DAB1: variants seen among roughly 807,000 people sequenced by gnomAD.
DAB1 encodes the protein disabled homolog 1.
DAB1 carries 15 observed loss-of-function variants against 64.6 expected under a neutral mutation model. The ratio of observed to expected loss-of-function variants is 0.23; its 90% CI spans 0.16 to 0.36. The LOEUF is 0.36. DAB1 is among the 10% of genes least tolerant of loss of function. The pLI, the probability that DAB1 is intolerant of heterozygous loss-of-function variation, is 1.00. For synonymous variants in DAB1, 235 were observed against 251.9 expected (o/e 0.93, Z 0.64); for missense variants, 596 against 706.7 (o/e 0.84, Z 1.78).
rs776895180 is a variant in DAB1 at position 57,026,000 on chromosome 1, G to A, written c.767C>T (p.Pro256Leu). 1.9e-6 allele frequency: 3 copies of A among 1,588,820 alleles called. No homozygotes were observed. The highest frequency in any genetic ancestry group is 3.6e-5 in the Admixed American group (2 of 55,074). ...ACTTACGGGGGGAGAGGTTATATCA[G>A]GGGGTGTGGACATGTCCCCAAAAAG... Reference protein sequence around the residue: ...LELFGDMSTPPDITSPPTPAT... With the variant: ...LELFGDMSTPLDITSPPTPAT... The change falls in exon 10 of 15, where the codon CCT (proline) becomes CTT (leucine). Residue 256 changes from proline to leucine, a missense_variant. Physicochemically the swap from Pro to Leu is moderately conservative, Grantham distance 98 (BLOSUM62 -3). This residue lies in a region of DAB1 where 377 missense variants were observed against 400.4 expected (regional missense o/e 0.94). Coordinates refer to ENST00000371236, the MANE Select transcript of DAB1 (RefSeq NM_001365792.1).
chr1:57,166,926 G>T (rs1661258335), intron 2 of DAB1, among the ~76,000 whole-genome samples: 1 of 152,172 alleles, frequency 6.6e-6, no homozygotes, highest in African/African-American at 2.4e-5. Context: ...AAAGTTCATA[G>T]TCTCTCCACC....
chr1:58,275,762 T>C (rs1661429177), intron 4 of DAB1, among the ~76,000 whole-genome samples: 1 of 152,214 alleles, frequency 6.6e-6, no homozygotes, highest in African/African-American at 2.4e-5. Flanking sequence ...AGAAATAGTA[T>C]GGTGGTTCCT....
intron 2 of DAB1, among the ~76,000 whole-genome samples, chr1:58,521,698 C>T (rs539251957): frequency 6.6e-6 from 1 of 152,110 alleles, no homozygotes; most frequent in East Asian, 1.9e-4. Context: ...AGAAAAACTA[C>T]AAAAACTGAA....
At chr1:57,726,129 G>A (rs985783) in intron 6 of DAB1, among the ~76,000 whole-genome samples, 48,608 of 152,064 alleles carry the variant, frequency 0.32, 9,702 homozygotes, top group African/African-American at 0.57. Context: ...TACAGGGATG[G>A]GTAGTTACTA....
At chr1:57,963,732 G>A (rs906333671) in intron 5 of DAB1, among the ~76,000 whole-genome samples, 1 of 151,072 alleles carries the variant, frequency 6.6e-6, no homozygotes, top group African/African-American at 2.4e-5. Flanking sequence ...GGGAAGAGGT[G>A]CTGTAACTCT....
At chr1:57,693,548 T>A (rs1221938929) in intron 6 of DAB1, among the ~76,000 whole-genome samples, 1 of 152,112 alleles carries the variant, frequency 6.6e-6, no homozygotes, top group African/African-American at 2.4e-5. Context: ...TGGGGCCAAA[T>A]AAGGGACTAA....
intron 7 of DAB1, among the ~76,000 whole-genome samples, chr1:57,446,654 TTTG>T (rs1444308634): frequency 6.6e-6 from 1 of 151,818 alleles, no homozygotes; most frequent in African/African-American, 2.4e-5. Context: ...AACCCAGAAG[TTTG>T]TTTAGTCACA....
intron 4 of DAB1, among the ~76,000 whole-genome samples, chr1:58,211,678 T>C (rs952931862): frequency 6.6e-6 from 1 of 152,216 alleles, no homozygotes; most frequent in Admixed American, 6.5e-5. Context: ...ATTCTCAAAG[T>C]GCTTTCTCCT....
intron 3 of DAB1, among the ~76,000 whole-genome samples, chr1:58,345,801 G>A (rs1439360227): frequency 3.3e-5 from 5 of 152,162 alleles, no homozygotes; most frequent in South Asian, 2.1e-4. Context: ...ATTATATAAG[G>A]AGGCTCCTGC....
At chr1:57,331,260 T>C (rs559068375) in intron 1 of DAB1, among the ~76,000 whole-genome samples, 4 of 152,340 alleles carry the variant, frequency 2.6e-5, no homozygotes, top group African/African-American at 9.6e-5. Flanking sequence ...GCACTTACCA[T>C]ATGCCAAAGA....
intron 7 of DAB1, among the ~76,000 whole-genome samples, chr1:57,631,083 CAGA>C (rs1645983689): frequency 6.6e-6 from 1 of 152,056 alleles, no homozygotes; most frequent in Admixed American, 6.6e-5. Context: ...GATAAAAATA[CAGA>C]AGATGTAGAC....
At chr1:57,272,940 C>G (rs867552934) in intron 2 of DAB1, among the ~76,000 whole-genome samples, 2 of 152,136 alleles carry the variant, frequency 1.3e-5, no homozygotes, top group Non-Finnish European at 2.9e-5. Context: ...CCAGGGCTTC[C>G]CTCTTGGGCT....
intron 1 of DAB1, among the ~76,000 whole-genome samples, chr1:57,317,558 C>T (rs193209956): frequency 1.3e-5 from 2 of 152,304 alleles, no homozygotes; most frequent in East Asian, 3.9e-4. Context: ...TTCTACCCCA[C>T]TCCTATACCA....
chr1:57,605,857 G>A, intron 7 of DAB1: 1 of 588,312 alleles, frequency 1.7e-6, no homozygotes, highest in Non-Finnish European at 3.2e-6. Flanking sequence ...TTAAGCATCT[G>A]CAACGGTGAC....
At chr1:58,395,309 C>A (rs1644511154) in intron 3 of DAB1, among the ~76,000 whole-genome samples, 1 of 152,154 alleles carries the variant, frequency 6.6e-6, no homozygotes, top group Non-Finnish European at 1.5e-5. Context: ...AATTGTAGAA[C>A]TCTAAGTTTC....
chr1:57,141,081 C>T (rs1034582451), intron 3 of DAB1, among the ~76,000 whole-genome samples: 2 of 152,150 alleles, frequency 1.3e-5, no homozygotes, highest in Admixed American at 1.3e-4. Flanking sequence ...AACGCTATTC[C>T]AGAAAGCCCC....
At chr1:58,506,172 T>A in exon 3 of DAB1, 1 of 872,162 alleles carries the variant, frequency 1.1e-6, no homozygotes, top group South Asian at 1.3e-5. Flanking sequence ...CTCCATTTGC[T>A]GCCAAAACAC....
At chr1:57,531,580 T>C (rs183704422) in intron 7 of DAB1, among the ~76,000 whole-genome samples, 9 of 151,972 alleles carry the variant, frequency 5.9e-5, no homozygotes, top group Admixed American at 5.9e-4. Context: ...AATATAAATA[T>C]AAAAGTGTAG....
intron 8 of DAB1, among the ~76,000 whole-genome samples, chr1:57,064,742 A>T (rs377401524): frequency 6.6e-6 from 1 of 152,124 alleles, no homozygotes; most frequent in African/African-American, 2.4e-5. Context: ...CCAGAAGCTC[A>T]TCTACACTCT....
Sources: gnomAD v4.1 joint callset for allele counts (sites outside exome capture counted in the v4.1 genomes callset) on GRCh38, gnomAD v4.1.1 for gene constraint, gnomAD v4.1.1 regional missense constraint, MANE v1.5 for transcripts, NCBI Gene and HGNC (gene_info 2026-07-23, HGNC 2026-07-21) for gene names.